MVP: variants seen among roughly 807,000 people sequenced by gnomAD.
MVP encodes major vault protein.
A neutral mutation model predicts 83.5 loss-of-function variants in MVP; 62 were observed. That is an observed-to-expected ratio of 0.74 (90% CI 0.61 to 0.92). The LOEUF is 0.92. MVP is among the 40% of genes least tolerant of loss of function. The probability of loss-of-function intolerance (pLI) is 0.00; values close to 1 mark genes in which losing one functional copy is unlikely to be tolerated. For synonymous variants in MVP, 505 were observed against 504.1 expected (o/e 1.00, Z -0.02); for missense variants, 1,000 against 1,203.4 (o/e 0.83, Z 2.50).
In MVP at chr16:29,844,605, G is replaced by A. The variant is rs763449040; in HGVS notation, c.1747G>A (p.Val583Met). The change falls in exon 11 of 15, where the codon GTG (valine) becomes ATG (methionine). Residue 583 changes from valine to methionine, a missense_variant. Physicochemically the swap from Val to Met is conservative, Grantham distance 21 (BLOSUM62 1). Transcript: ENST00000357402. ...CATCGCATCCCGGGTGCGGGGGGCC[G>A]TGGCCTCTGTCACTTTCGATGACTT... ...KAIASRVRGA[V>M]ASVTFDDFHK... is the part of the protein sequence containing the mutation. The A allele has an allele frequency of 8.1e-6, 13 of 1,613,516 alleles. No homozygotes were observed. The highest frequency in any genetic ancestry group is 1.6e-4 in the Middle Eastern group (1 of 6,080).
At chr16:29,822,330 A>AG (rs1481875803) in intron 1 of MVP, among the ~76,000 whole-genome samples, 1 of 152,054 alleles carries the variant, frequency 6.6e-6, no homozygotes, top group East Asian at 1.9e-4. Flanking sequence ...TTAAAAAAAA[A>AG]AAAAGTAATT....
At position 29,833,799 on chromosome 16, in the gene MVP, G is replaced by T; in HGVS notation, c.388G>T (p.Glu130Ter). Residue 130 changes from glutamate to a stop codon, truncating the protein, a stop_gained, in exon 4 of 15, where the codon GAG (glutamate) becomes TAG (stop). Coordinates refer to ENST00000357402, the MANE Select transcript of MVP (RefSeq NM_005115.5). LOFTEE classifies it high-confidence loss of function. ...ALHLKALLDFEDKDGDKVVAG... is the reference protein window; with the variant it reads ...ALHLKALLDF ...CCATCTAAAGGCGCTGCTTGATTTT[G>T]AGGATAAAGATGGAGACAAGGTGGT... is the stretch of plus-strand genomic sequence containing the variant. 2 of 1,614,100 alleles carry T rather than the reference G, an allele frequency of 1.2e-6. No individual in the cohort carries two copies. Among genetic ancestry groups the T allele is most frequent in the Non-Finnish European group, 1.7e-6 (2 of 1,180,020 alleles).
intron 7 of MVP, among the ~76,000 whole-genome samples, chr16:29,838,478 T>A (rs1188305736): frequency 6.6e-6 from 1 of 151,384 alleles, no homozygotes; most frequent in Non-Finnish European, 1.5e-5. Context: ...ACATATATAA[T>A]GAATGGATAA....
At chr16:29,826,276 A>T (rs2067404158) in intron 1 of MVP, among the ~76,000 whole-genome samples, 1 of 152,184 alleles carries the variant, frequency 6.6e-6, no homozygotes, top group Non-Finnish European at 1.5e-5. Context: ...AGATGAGGAA[A>T]CAGGCACAGG....
At chr16:29,836,280 A>C (rs928000206) in intron 6 of MVP, among the ~76,000 whole-genome samples, 5 of 151,772 alleles carry the variant, frequency 3.3e-5, no homozygotes, top group Non-Finnish European at 5.9e-5. Context: ...AAAAAAAAAA[A>C]AAAAACAAAG....
At chr16:29,844,376 G>T (rs1244490778) in intron 10 of MVP, 117 bp from the exon 11 acceptor site, 2 of 1,371,546 alleles carry the variant, frequency 1.5e-6, no homozygotes, top group Middle Eastern at 2.3e-4. Context: ...AGGTTGGGGG[G>T]TTGCCTGAGC....
In MVP at chr16:29,844,922, A is replaced by G. The variant is rs776691304; in HGVS notation, c.2021+43A>G. The G allele has an allele frequency of 1.9e-6, 3 of 1,562,990 alleles. No individual in the cohort carries two copies. The South Asian group carries it at 3.5e-5, about 18-fold the overall frequency. ...CTCGGCTGCCTATAATGCCCATGGC[A>G]GGCCACTGCTGGGAACTGGATAACC... On this transcript the variant is annotated intron_variant, in intron 11 of 14. Transcript: ENST00000357402.
At chr16:29,828,137 T>A (rs1372237679) in intron 1 of MVP, among the ~76,000 whole-genome samples, 2 of 151,718 alleles carry the variant, frequency 1.3e-5, no homozygotes. Context: ...ATTTTTGTAT[T>A]TTTAGTAGAG....
intron 1 of MVP, among the ~76,000 whole-genome samples, chr16:29,829,202 A>C (rs1237050636): frequency 6.6e-6 from 1 of 151,126 alleles, no homozygotes; most frequent in Non-Finnish European, 1.5e-5. Flanking sequence ...GAGGCTCCTC[A>C]TCGGCCAGGT....
At position 29,841,231 on chromosome 16, in the gene MVP, C is replaced by T. The variant is rs541432831; in HGVS notation, c.1192-365C>T. Among the ~76,000 whole-genome samples the T allele has an allele frequency of 6.6e-6, 1 of 152,174 alleles. No individual in the cohort carries two copies. Among genetic ancestry groups the T allele is most frequent in the Non-Finnish European group, 1.5e-5 (1 of 68,022 alleles). On this transcript the variant is annotated intron_variant, in intron 8 of 14. Coordinates refer to ENST00000357402, the MANE Select transcript of MVP (RefSeq NM_005115.5). The surrounding 1 kb of genome is among the most constrained non-coding windows in gnomAD (Gnocchi z 4.7). ...CCGTGTACACAGCCTACTTCACCATCCCCGAGGTGCCCTCCAAACTGCCCC... is the reference window on the plus strand; with the variant it reads ...CCGTGTACACAGCCTACTTCACCATTCCCGAGGTGCCCTCCAAACTGCCCC...
chr16:29,820,503 T>A lies in MVP; in HGVS notation c.-43T>A, dbSNP rs1341898777. The A allele has an allele frequency of 6.6e-6, 1 of 152,258 alleles. No homozygotes were observed. The highest frequency in any genetic ancestry group is 2.4e-5 in the African/African-American group (1 of 41,444). The allele number at this position is 152,258 out of a possible 1,614,324, so 9.4% of individuals were successfully genotyped here. The stretch of plus-strand genomic sequence containing the variant: ...AGGCGTTTGTTGCAGCTACCTGCAC[T>A]TCTAGATGTGAGTACATTGTACTAG... On this transcript the variant is annotated 5_prime_UTR_variant, in exon 1 of 15. Transcript: ENST00000357402.
intron 10 of MVP, among the ~76,000 whole-genome samples, chr16:29,842,637 G>A (rs1047463570): frequency 2.6e-5 from 4 of 152,168 alleles, no homozygotes; most frequent in Non-Finnish European, 5.9e-5. Flanking sequence ...AACAAACCGG[G>A]TGGCAAGCAG....
intron 7 of MVP, among the ~76,000 whole-genome samples, chr16:29,839,837 A>G (rs1170789642): frequency 1.3e-5 from 2 of 150,352 alleles, no homozygotes; most frequent in Non-Finnish European, 3.0e-5. Flanking sequence ...CCTGAAAACC[A>G]GAGTTTGTCA....
rs769909510 is a variant in MVP at position 29,840,186 on chromosome 16, G to A, written c.918G>A (p.Lys306=). The A allele has an allele frequency of 1.9e-6, 3 of 1,609,346 alleles. No homozygotes were observed. Among genetic ancestry groups the A allele is most frequent in the Non-Finnish European group, 8.5e-7 (1 of 1,177,222 alleles). Residue 306 remains lysine (K), a synonymous_variant, in exon 8 of 15, where the codon AAG becomes AAA. Coordinates refer to ENST00000357402, the MANE Select transcript of MVP (RefSeq NM_005115.5). ...LGQKRVVKGE[K]SFFLQPGEQL... ...TCACGTCTCCCCACTAGGGAGAGAAGTCTTTTTTCCTCCAGCCAGGAGAGC... is the reference window on the plus strand; with the variant it reads ...TCACGTCTCCCCACTAGGGAGAGAAATCTTTTTTCCTCCAGCCAGGAGAGC...
chr16:29,823,122 C>CTTTTTTTTTTTT (rs66512916), intron 1 of MVP, among the ~76,000 whole-genome samples: 60 of 98,476 alleles, frequency 6.1e-4, no homozygotes, highest in Non-Finnish European at 8.0e-4. Flanking sequence ...CTTTTCTTTT[C>CTTTTTTTTTTTT]TTTTTTTTTT....
At chr16:29,843,881 C>T (rs530678497) in intron 10 of MVP, among the ~76,000 whole-genome samples, 122 of 152,268 alleles carry the variant, frequency 8.0e-4, no homozygotes, top group African/African-American at 2.6e-3. Context: ...GCCTGGGCGA[C>T]GGAGCAAGAC....
At chr16:29,830,826 G>T (rs1211044133) in intron 2 of MVP, 52 bp from the exon 3 acceptor site, 7 of 1,584,732 alleles carry the variant, frequency 4.4e-6, no homozygotes, top group Non-Finnish European at 6.0e-6. Context: ...TGTCCTCTTT[G>T]GTAGTGGAGA....
At chr16:29,835,161 G>T (rs1282786724) in intron 5 of MVP, 1 of 152,514 alleles carries the variant, frequency 6.6e-6, no homozygotes, top group African/African-American at 2.4e-5. Flanking sequence ...AGGCAGTTCT[G>T]CTGCCTGTTT....
In MVP at chr16:29,844,533, G is replaced by A. The variant is rs1023577568; in HGVS notation, c.1675G>A (p.Ala559Thr). The change falls in exon 11 of 15, where the codon GCC (alanine) becomes ACC (threonine). Residue 559 changes from alanine to threonine, a missense_variant. Coordinates refer to ENST00000357402, the MANE Select transcript of MVP (RefSeq NM_005115.5). ...VNDRKDPQET[A>T]KLFSVPDFVG... ...TGACCGGAAGGACCCCCAAGAGACG[G>A]CCAAGCTCTTTTCAGTGCCAGACTT... 3 of 1,572,944 alleles carry A rather than the reference G, an allele frequency of 1.9e-6. No individual in the cohort carries two copies. Among genetic ancestry groups the A allele is most frequent in the African/African-American group, 1.4e-5 (1 of 73,662 alleles).
Sources: allele counts gnomAD v4.1 joint callset (sites outside exome capture counted in the v4.1 genomes callset), GRCh38; gene constraint gnomAD v4.1.1; non-coding constraint Gnocchi (gnomAD v3.1); transcripts MANE v1.5; gene names NCBI Gene and HGNC (gene_info 2026-07-23, HGNC 2026-07-21).